The following F13A1 variants were observed in gnomAD, a reference collection of about 807,000 sequenced individuals.
The protein encoded by F13A1 is FSF, A subunit.
Under a neutral mutation model 80.1 loss-of-function variants are expected in F13A1, and 47 were observed. The observed-to-expected ratio is 0.59, with a 90% CI of 0.46 to 0.75. The LOEUF is 0.75. Ranked by LOEUF, F13A1 falls within the 30% of genes least tolerant of loss-of-function variation. F13A1 has a pLI of 0.00. For synonymous variants in F13A1, 349 were observed against 344.9 expected (o/e 1.01, Z -0.13); for missense variants, 817 against 930.4 (o/e 0.88, Z 1.59).
At chr6:6,166,078 C>G (rs368813455) in intron 13 of F13A1, among the ~76,000 whole-genome samples, 8 of 152,370 alleles carry the variant, frequency 5.3e-5, no homozygotes, top group South Asian at 2.1e-4. Flanking sequence ...GTTGAAGGAG[C>G]TGGTTCCCAG....
chr6:6,170,298 C>T (rs192147541), intron 12 of F13A1, among the ~76,000 whole-genome samples: 1 of 152,210 alleles, frequency 6.6e-6, no homozygotes. Flanking sequence ...GAGGCTCTTG[C>T]TACCTTTATA....
intron 4 of F13A1, among the ~76,000 whole-genome samples, chr6:6,259,328 T>G (rs1445691152): frequency 6.6e-6 from 1 of 152,170 alleles, no homozygotes. Flanking sequence ...TAAAAAGACC[T>G]TATATAAATA....
At chr6:6,193,322 G>C (rs1488295031) in intron 10 of F13A1, among the ~76,000 whole-genome samples, 1 of 152,160 alleles carries the variant, frequency 6.6e-6, no homozygotes, top group Non-Finnish European at 1.5e-5. Context: ...GCCTGGAAAT[G>C]AGTAAGGAAT....
intron 5 of F13A1, among the ~76,000 whole-genome samples, chr6:6,248,723 A>G (rs967608191): frequency 6.6e-6 from 1 of 152,188 alleles, no homozygotes; most frequent in African/African-American, 2.4e-5. Flanking sequence ...TTCAATTTAG[A>G]AGGTCTTTTC....
intron 1 of F13A1, among the ~76,000 whole-genome samples, chr6:6,319,733 T>G (rs895476083): frequency 6.6e-6 from 1 of 152,100 alleles, no homozygotes; most frequent in African/African-American, 2.4e-5. Flanking sequence ...TCCAGAGACA[T>G]GTGGAGCACT....
chr6:6,308,302 C>G (rs1329199258), intron 2 of F13A1, among the ~76,000 whole-genome samples: 1 of 152,118 alleles, frequency 6.6e-6, no homozygotes, highest in African/African-American at 2.4e-5. Context: ...AGATTATAGG[C>G]GTGAGCCATC....
intron 2 of F13A1, among the ~76,000 whole-genome samples, chr6:6,307,234 G>T (rs963037508): frequency 5.3e-5 from 8 of 152,046 alleles, no homozygotes; most frequent in Admixed American, 2.0e-4. Flanking sequence ...GTGCTCCCCG[G>T]GTTACCCTGA....
intron 13 of F13A1, among the ~76,000 whole-genome samples, chr6:6,159,417 G>A (rs1280294731): frequency 6.6e-6 from 1 of 152,182 alleles, no homozygotes; most frequent in Admixed American, 6.5e-5. Context: ...CACAACATTA[G>A]GATGGTTGTT....
At chr6:6,198,823 A>G (rs1207354249) in intron 8 of F13A1, among the ~76,000 whole-genome samples, 1 of 152,204 alleles carries the variant, frequency 6.6e-6, no homozygotes, top group Admixed American at 6.5e-5. Context: ...AAAATAATTA[A>G]TTTAAATGAT....
intron 6 of F13A1, among the ~76,000 whole-genome samples, chr6:6,246,043 C>G (rs1317342550): frequency 2.0e-5 from 3 of 152,256 alleles, no homozygotes; most frequent in African/African-American, 7.2e-5. Context: ...CAACAGGGTT[C>G]TGGCTAAGAG....
At chr6:6,237,468 G>A (rs1757427804) in intron 6 of F13A1, among the ~76,000 whole-genome samples, 1 of 152,036 alleles carries the variant, frequency 6.6e-6, no homozygotes, top group South Asian at 2.1e-4. Context: ...CCATGTCTTT[G>A]GTTTTTCATA....
intron 6 of F13A1, among the ~76,000 whole-genome samples, chr6:6,228,293 C>G (rs1217011303): frequency 6.6e-6 from 1 of 152,136 alleles, no homozygotes; most frequent in Non-Finnish European, 1.5e-5. Context: ...ATGCAATAAA[C>G]TTCAAAACAT....
chr6:6,277,228 T>C lies in F13A1; in HGVS notation c.320-10419A>G, dbSNP rs1267862. Among the ~76,000 whole-genome samples, 2 of 32,492 alleles carry C rather than the reference T, an allele frequency of 6.2e-5. 1 individual carries two copies. Among genetic ancestry groups the C allele is most frequent in the Non-Finnish European group, 1.1e-4 (2 of 18,450 alleles). The allele number at this position is 32,492 out of a possible 152,430, so 21.3% of individuals were successfully genotyped here. A position where few individuals can be genotyped will look rare whatever the true frequency, so the allele number is the denominator to read the frequency against. Reference sequence around the variant, plus strand: ...GCGGGCGCCTGTGGTCCCAGCTACTTGGGAGGCTGAGGCAGGAGAATGGCG... The same window carrying C: ...GCGGGCGCCTGTGGTCCCAGCTACTCGGGAGGCTGAGGCAGGAGAATGGCG... On this transcript the variant is annotated intron_variant, in intron 3 of 14. Coordinates refer to ENST00000264870, the MANE Select transcript of F13A1 (RefSeq NM_000129.4).
intron 14 of F13A1, among the ~76,000 whole-genome samples, chr6:6,145,995 C>G (rs1302279662): frequency 6.6e-6 from 1 of 152,170 alleles, no homozygotes; most frequent in Non-Finnish European, 1.5e-5. Flanking sequence ...GTCATGGTTC[C>G]TTCCACTGGG....
intron 3 of F13A1, among the ~76,000 whole-genome samples, chr6:6,275,210 T>C (rs962622624): frequency 2.0e-5 from 3 of 151,826 alleles, no homozygotes; most frequent in Non-Finnish European, 4.4e-5. Flanking sequence ...GGAAGGTAAG[T>C]GGAGGGGTGC....
At chr6:6,240,623 G>C (rs1365282186) in intron 6 of F13A1, among the ~76,000 whole-genome samples, 1 of 152,142 alleles carries the variant, frequency 6.6e-6, no homozygotes, top group Non-Finnish European at 1.5e-5. Flanking sequence ...GTTATTTATG[G>C]AATGGATTTA....
intron 8 of F13A1, among the ~76,000 whole-genome samples, chr6:6,205,512 G>GGAGT (rs1166664504): frequency 6.6e-6 from 1 of 152,164 alleles, no homozygotes; most frequent in African/African-American, 2.4e-5. Flanking sequence ...AAGTCTTTAG[G>GGAGT]GAGTGAGTCC....
chr6:6,316,167 T>C (rs1025895680), intron 2 of F13A1, among the ~76,000 whole-genome samples: 4 of 124,568 alleles, frequency 3.2e-5, no homozygotes, highest in African/African-American at 1.2e-4. Context: ...CCTTCTCATC[T>C]GGGACTTGCT....
chr6:6,238,311 A>G (rs1167366412), intron 6 of F13A1, among the ~76,000 whole-genome samples: 4 of 152,234 alleles, frequency 2.6e-5, no homozygotes, highest in Non-Finnish European at 5.9e-5. Context: ...TAAATTTGGA[A>G]AAAATAAGAT....
Sources: allele counts gnomAD v4.1 joint callset (sites outside exome capture counted in the v4.1 genomes callset), GRCh38; gene constraint gnomAD v4.1.1; transcripts MANE v1.5; gene names NCBI Gene and HGNC (gene_info 2026-07-23, HGNC 2026-07-21).